The following PACS2 variants were observed in gnomAD, a reference collection of about 807,000 sequenced individuals.
PACS2 encodes the protein PACS1-like protein.
In PACS2, 36 loss-of-function variants were observed where a neutral mutation model predicts 113.0. The ratio of observed to expected loss-of-function variants is 0.32; its 90% CI spans 0.24 to 0.42. The LOEUF is 0.42. PACS2 is among the 10% of genes least tolerant of loss of function. The pLI is 1.00. For missense variants in PACS2, 1,015 were observed against 1,239.5 expected, an observed-to-expected ratio of 0.82 and a Z score of 2.72; for synonymous variants, 589 against 536.1, an observed-to-expected ratio of 1.10 and a Z score of -1.36.
chr14:105,319,216 G>A (rs1365794024), intron 1 of PACS2, among the ~76,000 whole-genome samples: 3 of 152,214 alleles, frequency 2.0e-5, no homozygotes, highest in African/African-American at 7.2e-5. Context: ...AAAGTGCTGG[G>A]ATTACAGGCG....
intron 1 of PACS2, among the ~76,000 whole-genome samples, chr14:105,306,004 C>T (rs1042868610): frequency 2.0e-5 from 3 of 152,272 alleles, no homozygotes; most frequent in African/African-American, 7.2e-5. Flanking sequence ...CTCCAGCACA[C>T]AGCAGCAGAG....
chr14:105,332,189 C>T (rs2059327525), intron 1 of PACS2, among the ~76,000 whole-genome samples: 1 of 152,258 alleles, frequency 6.6e-6, no homozygotes, highest in South Asian at 2.1e-4. Flanking sequence ...GTGGAAGCTG[C>T]TCAGTCACTG....
chr14:105,304,220 G>C (rs999131957), intron 1 of PACS2, among the ~76,000 whole-genome samples: 1 of 152,182 alleles, frequency 6.6e-6, no homozygotes, highest in African/African-American at 2.4e-5. Context: ...AGCCAGGCTC[G>C]GTGGCTCAGG....
At chr14:105,353,003 T>C (rs1465146921) in intron 3 of PACS2, among the ~76,000 whole-genome samples, 703 of 16,422 alleles carry the variant, frequency 0.043, no homozygotes, top group Admixed American at 0.05. Flanking sequence ...ACGGGCCCCC[T>C]CATCACTGTC....
intron 22 of PACS2, chr14:105,391,969 G>A (rs1374238051): frequency 1.7e-6 from 1 of 580,552 alleles, no homozygotes; most frequent in Non-Finnish European, 3.0e-6. Context: ...GGACCTCTGG[G>A]GGACAGAAAC....
At chr14:105,308,007 A>AT (rs1302063582) in intron 1 of PACS2, among the ~76,000 whole-genome samples, 1 of 151,614 alleles carries the variant, frequency 6.6e-6, no homozygotes, top group Non-Finnish European at 1.5e-5. Context: ...ACAAAGTGAG[A>AT]TCCCTGTCTC....
At chr14:105,320,127 A>G (rs1276903287) in intron 1 of PACS2, among the ~76,000 whole-genome samples, 4 of 151,486 alleles carry the variant, frequency 2.6e-5, no homozygotes, top group African/African-American at 9.7e-5. Context: ...ACAGGTGTGC[A>G]CCACCACGCC....
At chr14:105,394,251 G>A in intron 24 of PACS2, 6 of 985,294 alleles carry the variant, frequency 6.1e-6, no homozygotes, top group Non-Finnish European at 7.2e-6. Flanking sequence ...TGGACGAGCA[G>A]CGCCTGGCGG....
chr14:105,394,774 CAA>C lies in PACS2; in HGVS notation c.*104_*105del, dbSNP rs1555416111. The C allele has an allele frequency of 2.5e-6, 2 of 794,362 alleles. No homozygotes were observed. Among genetic ancestry groups the C allele is most frequent in the East Asian group, 2.5e-5 (1 of 40,600 alleles). 49.2% of individuals were successfully genotyped at this position (794,362 alleles called of 1,614,324 possible). A position where few individuals can be genotyped will look rare whatever the true frequency, so the allele number is the denominator to read the frequency against. On this transcript the variant is annotated 3_prime_UTR_variant, in exon 25 of 25. Transcript: ENST00000447393. ...ACTACAGAGACAGACGCTTAAAACA[CAA>C]AGAGAAACAGTCTTAAGTATGAATG...
chr14:105,392,213 G>A (rs2141311576), intron 22 of PACS2: 1 of 324,998 alleles, frequency 3.1e-6, no homozygotes, highest in Non-Finnish European at 5.7e-6. Flanking sequence ...TGGGCCCTGA[G>A]GCCAGGCGTG....
rs1038894723 is a variant in PACS2 at position 105,365,450 on chromosome 14, C to T, written c.424-1763C>T. ...GCTAATCAACAACCCGCCCCTGGCCCGCTGCGGGCCCAGCAGAGCATTCCC... is the reference window on the plus strand; with the variant it reads ...GCTAATCAACAACCCGCCCCTGGCCTGCTGCGGGCCCAGCAGAGCATTCCC... On this transcript the variant is annotated intron_variant, in intron 4 of 24. Coordinates refer to ENST00000447393, the MANE Select transcript of PACS2 (RefSeq NM_001100913.3). The surrounding 1 kb of genome is among the most constrained non-coding windows in gnomAD (Gnocchi z 5.1). Among the ~76,000 whole-genome samples, 19 of 152,172 alleles carry T rather than the reference C, an allele frequency of 1.2e-4. No homozygotes were observed. The highest frequency in any genetic ancestry group is 3.2e-3 in the Middle Eastern group (1 of 316).
At chr14:105,386,129 C>G (rs138263340) in intron 19 of PACS2, among the ~76,000 whole-genome samples, 2 of 152,326 alleles carry the variant, frequency 1.3e-5, no homozygotes, top group Admixed American at 1.3e-4. Flanking sequence ...AAACCAGGAG[C>G]GAGTGGCTGG....
chr14:105,368,534 A>G lies in PACS2; in HGVS notation c.736A>G (p.Thr246Ala). The change falls in exon 7 of 25, where the codon ACC becomes GCC. Residue 246 changes from threonine (T) to alanine (A), a missense_variant. By Grantham distance (58) the Thr-to-Ala change is moderately conservative. Around this residue, in one of 3 missense-constraint regions of PACS2, gnomAD observed 859 missense variants for 1,056.8 expected, o/e 0.81. Coordinates refer to ENST00000447393, the MANE Select transcript of PACS2 (RefSeq NM_001100913.3). ...RRSIVRTTSM[T>A]RQQNFKQKVV... ...ATCGATTGTAAGAACGACGTCCATG[A>G]CCAGGGTTGGTGGAGACTGCTTCTA... 6.2e-7 allele frequency: 1 copy of G among 1,613,138 alleles called. No individual in the cohort carries two copies. Among genetic ancestry groups the G allele is most frequent in the Non-Finnish European group, 8.5e-7 (1 of 1,179,202 alleles).
At chr14:105,327,737 C>T (rs918353500) in intron 1 of PACS2, among the ~76,000 whole-genome samples, 2 of 152,204 alleles carry the variant, frequency 1.3e-5, no homozygotes, top group African/African-American at 2.4e-5. Flanking sequence ...CCAGAGATTG[C>T]GACTGTGGCT....
Position 105,304,380 on chromosome 14 carries a change from C to T in PACS2, c.-83+3401C>T, listed in dbSNP as rs183197339. 1.1e-4 allele frequency among the ~76,000 whole-genome samples: 16 copies of T among 151,910 alleles called. No homozygotes were observed. The East Asian group carries it at 1.7e-3, about 17-fold the overall frequency. ...GTGGGCGCCTGTAGTTCCAGCTACT[C>T]GGGAGGCTGAGGCAGGAGAATTGCT... On this transcript the variant is annotated intron_variant, in intron 1 of 23. Coordinates refer to the PACS2 transcript ENST00000430725.
At chr14:105,346,272 A>G (rs1054546448) in intron 1 of PACS2, among the ~76,000 whole-genome samples, 2 of 152,066 alleles carry the variant, frequency 1.3e-5, no homozygotes, top group Non-Finnish European at 2.9e-5. Flanking sequence ...AAGCAGACTC[A>G]TTTCCGGGTT....
chr14:105,381,734 C>G (rs1263718305), intron 12 of PACS2, among the ~76,000 whole-genome samples, 180 bp from the exon 13 acceptor site: 7 of 152,244 alleles, frequency 4.6e-5, no homozygotes, highest in Non-Finnish European at 5.9e-5. Flanking sequence ...GCTGCTGTGG[C>G]CCTCCCAGGG....
intron 19 of PACS2, among the ~76,000 whole-genome samples, chr14:105,386,467 C>T (rs587604408): frequency 2.0e-5 from 3 of 152,258 alleles, no homozygotes; most frequent in African/African-American, 7.2e-5. Context: ...CAGCTCCACC[C>T]CCTACAACCT....
At chr14:105,349,673 T>TAA (rs1566927537) in intron 2 of PACS2, among the ~76,000 whole-genome samples, 1 of 152,246 alleles carries the variant, frequency 6.6e-6, no homozygotes, top group Non-Finnish European at 1.5e-5. Context: ...GCATCTTAAA[T>TAA]AAACGTCTGG....
Sources: gnomAD v4.1 joint callset for allele counts (sites outside exome capture counted in the v4.1 genomes callset) on GRCh38, gnomAD v4.1.1 for gene constraint, gnomAD v4.1.1 regional missense constraint, Gnocchi (gnomAD v3.1) non-coding constraint, MANE v1.5 for transcripts, NCBI Gene and HGNC (gene_info 2026-07-23, HGNC 2026-07-21) for gene names.